LGSN: variants seen among roughly 807,000 people sequenced by gnomAD.
The protein encoded by LGSN is lengsin, lens protein with glutamine synthetase domain, also known as lengsin.
Under a neutral mutation model 19.5 loss-of-function variants are expected in LGSN, and 21 were observed. The ratio of observed to expected loss-of-function variants is 1.07; its 90% CI spans 0.76 to 1.55. LGSN has a LOEUF of 1.55. LGSN is among the 40% of genes most tolerant of loss of function. The pLI is 0.00. For missense variants in LGSN, 673 were observed against 608.5 expected (o/e 1.11, Z -1.12); for synonymous variants, 257 against 215.6 (o/e 1.19, Z -1.68).
chr6:63,379,580 A>T, the LGSN span, among the ~76,000 whole-genome samples: 14 of 152,204 alleles, frequency 9.2e-5, no homozygotes, highest in South Asian at 2.9e-3. Context: ...TATTTGTATG[A>T]TGTGTGTGTA....
the LGSN span, among the ~76,000 whole-genome samples, chr6:63,416,583 T>C: frequency 6.6e-6 from 1 of 152,170 alleles, no homozygotes; most frequent in South Asian, 2.1e-4. Flanking sequence ...GTTGTTGTTT[T>C]TGTTTTTTTT....
the LGSN span, among the ~76,000 whole-genome samples, chr6:63,500,632 G>T: frequency 6.6e-6 from 1 of 152,092 alleles, no homozygotes; most frequent in Non-Finnish European, 1.5e-5. Flanking sequence ...TGTTGGTCAG[G>T]CTGGTTTCAA....
At chr6:63,350,328 AATTT>A in the LGSN span, among the ~76,000 whole-genome samples, 1 of 152,252 alleles carries the variant, frequency 6.6e-6, no homozygotes, top group African/African-American at 2.4e-5. Context: ...AGTAGGACCA[AATTT>A]ATTAAAATAT....
the LGSN span, among the ~76,000 whole-genome samples, chr6:63,333,538 C>CGAAA: frequency 3.3e-3 from 401 of 120,872 alleles, 3 homozygotes; most frequent in African/African-American, 0.012. Flanking sequence ...AATGAAAGAA[C>CGAAA]GAAAGAAAGA....
At chr6:63,524,719 A>G in the LGSN span, among the ~76,000 whole-genome samples, 2 of 152,206 alleles carry the variant, frequency 1.3e-5, no homozygotes, top group African/African-American at 4.8e-5. Flanking sequence ...TTTGACTGAC[A>G]AGAAAAAACA....
the LGSN span, among the ~76,000 whole-genome samples, chr6:63,378,225 G>T: frequency 1.3e-5 from 2 of 151,996 alleles, no homozygotes; most frequent in East Asian, 3.9e-4. Flanking sequence ...TCTCATATCC[G>T]CAACAATAGA....
chr6:63,470,088 AAG>A, the LGSN span, among the ~76,000 whole-genome samples: 1 of 152,242 alleles, frequency 6.6e-6, no homozygotes, highest in South Asian at 2.1e-4. Flanking sequence ...AAAGAAAGGA[AAG>A]AGAGACAGAG....
chr6:63,322,244 T>C (rs1206955786), upstream of LGSN, among the ~76,000 whole-genome samples: 1 of 152,216 alleles, frequency 6.6e-6, no homozygotes, highest in Admixed American at 6.5e-5. Flanking sequence ...CATGTTTACA[T>C]ATATTATATG....
the LGSN span, among the ~76,000 whole-genome samples, chr6:63,480,747 C>T: frequency 6.7e-6 from 1 of 149,532 alleles, no homozygotes; most frequent in African/African-American, 2.5e-5. Flanking sequence ...CTTTAAAGAA[C>T]TGAAAGTAAA....
chr6:63,533,457 T>C, the LGSN span, among the ~76,000 whole-genome samples: 1 of 152,160 alleles, frequency 6.6e-6, no homozygotes, highest in Non-Finnish European at 1.5e-5. Context: ...AATAATTACA[T>C]GAAAAAATAA....
At chr6:63,465,554 T>A in the LGSN span, among the ~76,000 whole-genome samples, 1 of 152,182 alleles carries the variant, frequency 6.6e-6, no homozygotes, top group African/African-American at 2.4e-5. Context: ...GTGAGAGTAT[T>A]TTCTACTAGG....
the LGSN span, among the ~76,000 whole-genome samples, chr6:63,411,814 T>C: frequency 6.6e-6 from 1 of 152,008 alleles, no homozygotes; most frequent in Non-Finnish European, 1.5e-5. Context: ...CCCCCTGCAC[T>C]CCAGCCTGGG....
chr6:63,411,750 G>C, the LGSN span, among the ~76,000 whole-genome samples: 1 of 152,084 alleles, frequency 6.6e-6, no homozygotes, highest in Admixed American at 6.6e-5. Context: ...TGAAGCACAA[G>C]AATCCCTTGG....
chr6:63,452,754 ATT>A, the LGSN span, among the ~76,000 whole-genome samples: 1 of 149,786 alleles, frequency 6.7e-6, no homozygotes, highest in Non-Finnish European at 1.5e-5. Flanking sequence ...GTTGCATTCC[ATT>A]TTTTTTCTTC....
At chr6:63,408,098 T>C in the LGSN span, among the ~76,000 whole-genome samples, 1 of 151,648 alleles carries the variant, frequency 6.6e-6, no homozygotes, top group Non-Finnish European at 1.5e-5. Context: ...AAAATGGCCA[T>C]ACTGCACAAG....
chr6:63,390,684 G>A, the LGSN span, among the ~76,000 whole-genome samples: 2 of 151,044 alleles, frequency 1.3e-5, no homozygotes, highest in East Asian at 2.0e-4. Context: ...GTGAAACCCC[G>A]TCTCTACTAA....
At chr6:63,441,932 C>T in the LGSN span, 1 of 237,332 alleles carries the variant, frequency 4.2e-6, no homozygotes, top group Non-Finnish European at 8.2e-6. Context: ...CAGAATGAAG[C>T]TGCGGACCCT....
chr6:63,387,841 C>T, the LGSN span, among the ~76,000 whole-genome samples: 4 of 152,084 alleles, frequency 2.6e-5, no homozygotes, highest in Non-Finnish European at 5.9e-5. Flanking sequence ...CATACCACCA[C>T]ATCTCGCCTG....
At chr6:63,541,682 G>A in the LGSN span, among the ~76,000 whole-genome samples, 1 of 152,064 alleles carries the variant, frequency 6.6e-6, no homozygotes. Flanking sequence ...CAAGCAATTA[G>A]AAGCAATCAG....
Sources: allele counts gnomAD v4.1 joint callset (sites outside exome capture counted in the v4.1 genomes callset), GRCh38; gene constraint gnomAD v4.1.1; transcripts MANE v1.5; gene names NCBI Gene and HGNC (gene_info 2026-07-23, HGNC 2026-07-21).